Variants in PDE1C observed in about 807,000 individuals in gnomAD.
PDE1C encodes phosphodiesterase 1C.
In PDE1C, 62 loss-of-function variants were observed where a neutral mutation model predicts 93.1. The ratio of observed to expected loss-of-function variants is 0.67; its 90% CI spans 0.54 to 0.82. The LOEUF is 0.82. PDE1C is among the 40% of genes least tolerant of loss of function. The pLI is 0.00. For missense variants in PDE1C, 742 were observed against 884.6 expected (o/e 0.84, Z 2.04); for synonymous variants, 325 against 310.1 (o/e 1.05, Z -0.50).
intron 2 of PDE1C, among the ~76,000 whole-genome samples, chr7:32,170,325 A>T (rs1403853375): frequency 1.3e-5 from 2 of 152,056 alleles, no homozygotes; most frequent in Admixed American, 1.3e-4. Flanking sequence ...CTCCCCTATA[A>T]ATTCAGCTTG....
At chr7:32,198,792 C>T (rs978254846) in intron 2 of PDE1C, among the ~76,000 whole-genome samples, 23 of 152,108 alleles carry the variant, frequency 1.5e-4, no homozygotes, top group African/African-American at 4.1e-4. Context: ...GACATAGGCC[C>T]AGCTAAAAAC....
At chr7:32,323,478 G>T (rs766884994) in intron 1 of PDE1C, among the ~76,000 whole-genome samples, 7 of 152,174 alleles carry the variant, frequency 4.6e-5, no homozygotes, top group Non-Finnish European at 1.0e-4. Flanking sequence ...ACCTAGGTGG[G>T]CAGGAAAATA....
rs1257100101 is a variant in PDE1C at position 32,288,524 on chromosome 7, C to A, written c.85+10127G>T. Among the ~76,000 whole-genome samples the A allele has an allele frequency of 2.0e-5, 3 of 152,180 alleles. No individual in the cohort carries two copies. In the East Asian group the frequency reaches 5.8e-4, roughly 29 times the overall value. ...CAGATGAGAAAGAAAGAAAATGCAT[C>A]CTGTTGGAAAACTGGGTTTCTGTGG... On this transcript the variant is annotated intron_variant, in intron 1 of 18. Coordinates refer to the PDE1C transcript ENST00000396193.
chr7:32,396,605 T>A (rs1171806738), intron 1 of PDE1C, among the ~76,000 whole-genome samples: 1 of 151,894 alleles, frequency 6.6e-6, no homozygotes, highest in African/African-American at 2.4e-5. Flanking sequence ...AATAGAGAGA[T>A]AAGAGATGGA....
the PDE1C span, among the ~76,000 whole-genome samples, chr7:31,725,933 G>A: frequency 1.3e-5 from 2 of 152,022 alleles, no homozygotes; most frequent in Non-Finnish European, 2.9e-5. Context: ...AAGAGAGAGA[G>A]AAAAATCCCA....
At chr7:32,358,885 G>GTGTGTGTGTGTGTC (rs1248868845) in intron 1 of PDE1C, among the ~76,000 whole-genome samples, 1 of 147,780 alleles carries the variant, frequency 6.8e-6, no homozygotes, top group African/African-American at 2.6e-5. Flanking sequence ...CTAACATTGT[G>GTGTGTGTGTGTGTC]TGTGTGTGTG....
intron 17 of PDE1C, among the ~76,000 whole-genome samples, chr7:31,774,504 C>T (rs533545608): frequency 6.6e-6 from 1 of 152,288 alleles, no homozygotes; most frequent in Non-Finnish European, 1.5e-5. Context: ...TGTCTGCATT[C>T]TTTGAGCCAG....
At position 32,135,339 on chromosome 7, in the gene PDE1C, A is replaced by G. The variant is rs1323548913; in HGVS notation, c.308+34446T>C. On this transcript the variant is annotated intron_variant, in intron 3 of 18. Coordinates refer to the PDE1C transcript ENST00000396193. ...CCAACAAAATGAAAAAGCAACCTAC[A>G]AAATGAGAGAAAATAGTTGCGAACC... Among the ~76,000 whole-genome samples, 8 of 152,224 alleles carry G rather than the reference A, an allele frequency of 5.3e-5. No individual in the cohort carries two copies. In the East Asian group the frequency reaches 1.5e-3, roughly 29 times the overall value.
At chr7:32,296,715 A>T (rs560587505) in intron 1 of PDE1C, among the ~76,000 whole-genome samples, 1 of 152,374 alleles carries the variant, frequency 6.6e-6, no homozygotes, top group East Asian at 1.9e-4. Flanking sequence ...AGATCTCATA[A>T]GGACAACCTG....
At chr7:32,332,848 G>A (rs530088251) in intron 1 of PDE1C, among the ~76,000 whole-genome samples, 3 of 152,152 alleles carry the variant, frequency 2.0e-5, no homozygotes, top group Admixed American at 6.5e-5. Context: ...ATTCTAGGAT[G>A]ATAAAAGTCA....
chr7:31,641,954 A>C, the PDE1C span, among the ~76,000 whole-genome samples: 1 of 152,050 alleles, frequency 6.6e-6, no homozygotes, highest in Non-Finnish European at 1.5e-5. Flanking sequence ...CCTTCGTTTC[A>C]GGTTTTATTC....
At chr7:32,298,533 C>G in intron 1 of PDE1C, 1 of 1,268,232 alleles carries the variant, frequency 7.9e-7, no homozygotes, top group Non-Finnish European at 1.1e-6. Flanking sequence ...CCGGAGAGCA[C>G]CCTCCGGCCC....
intron 12 of PDE1C, among the ~76,000 whole-genome samples, chr7:31,827,261 A>G (rs1789796475): frequency 6.6e-6 from 1 of 152,038 alleles, no homozygotes; most frequent in Non-Finnish European, 1.5e-5. Context: ...CTCTGCCTGG[A>G]ATACCCTTCT....
chr7:31,971,934 G>C (rs1367655855), intron 2 of PDE1C, among the ~76,000 whole-genome samples: 1 of 152,158 alleles, frequency 6.6e-6, no homozygotes, highest in Non-Finnish European at 1.5e-5. Context: ...ACTGTAACTA[G>C]TCTTGGGTGT....
intron 1 of PDE1C, among the ~76,000 whole-genome samples, chr7:32,247,995 C>T (rs1370584380): frequency 6.6e-6 from 1 of 152,174 alleles, no homozygotes; most frequent in Non-Finnish European, 1.5e-5. Context: ...ATTTCATAAA[C>T]ATTTCCAAAG....
In PDE1C at chr7:32,282,608, G is replaced by A. The variant is rs147910343; in HGVS notation, c.85+16043C>T. Among the ~76,000 whole-genome samples, 3 of 123,476 alleles carry A rather than the reference G, an allele frequency of 2.4e-5. 1 individual carries two copies. The highest frequency in any genetic ancestry group is 4.9e-5 in the Non-Finnish European group (3 of 61,178). 81.0% of individuals were successfully genotyped at this position (123,476 alleles called of 152,430 possible). On this transcript the variant is annotated intron_variant, in intron 1 of 18. Transcript: ENST00000396193. Reference sequence around the variant, plus strand: ...CTTTTTTTTTTTTTTTTGAGACGGAGTCTCTCTCTGTCGCCCAGGCTGGAA... The same window carrying A: ...CTTTTTTTTTTTTTTTTGAGACGGAATCTCTCTCTGTCGCCCAGGCTGGAA...
At chr7:31,680,374 G>T in the PDE1C span, among the ~76,000 whole-genome samples, 1 of 152,188 alleles carries the variant, frequency 6.6e-6, no homozygotes, top group East Asian at 1.9e-4. Flanking sequence ...TCAATGCAGA[G>T]CCAACTGGGG....
chr7:31,897,270 G>C (rs938800397), intron 2 of PDE1C, among the ~76,000 whole-genome samples: 1 of 152,232 alleles, frequency 6.6e-6, no homozygotes, highest in African/African-American at 2.4e-5. Context: ...TTGACATGAA[G>C]TGATGATTGT....
chr7:32,094,085 T>A (rs1797620053), intron 3 of PDE1C, among the ~76,000 whole-genome samples: 1 of 152,228 alleles, frequency 6.6e-6, no homozygotes, highest in South Asian at 2.1e-4. Flanking sequence ...CCCCATGGCA[T>A]AGGTGTGCTG....
Sources: allele counts gnomAD v4.1 joint callset (sites outside exome capture counted in the v4.1 genomes callset), GRCh38; gene constraint gnomAD v4.1.1; transcripts MANE v1.5; gene names NCBI Gene and HGNC (gene_info 2026-07-23, HGNC 2026-07-21).